Variants in PTPRT observed in about 807,000 individuals in gnomAD.
PTPRT encodes protein tyrosine phosphatase receptor type T, also known as receptor-type tyrosine-protein phosphatase T.
PTPRT carries 56 observed loss-of-function variants against 176.8 expected under a neutral mutation model. The observed-to-expected ratio is 0.32, with a 90% confidence interval of 0.26 to 0.40. The LOEUF (loss-of-function observed/expected upper bound fraction) is 0.40, where lower values mean the gene tolerates loss of function less well. Ranked by LOEUF, PTPRT falls within the 10% of genes least tolerant of loss-of-function variation. The pLI is 1.00. For synonymous variants in PTPRT, 783 were observed against 739.0 expected (o/e 1.06, Z -0.96); for missense variants, 1,540 against 1,908.2 (o/e 0.81, Z 3.60).
rs59329244 is a variant in PTPRT at position 42,726,057 on chromosome 20, T to TTTATTATTA, written c.859+30396_859+30404dup. Among the ~76,000 whole-genome samples, 1,239 of 142,286 alleles carry TTTATTATTA rather than the reference T, an allele frequency of 8.7e-3. 9 individuals are homozygous for TTTATTATTA. Among genetic ancestry groups the TTTATTATTA allele is most frequent in the South Asian group, 0.014 (59 of 4,274 alleles). 93.3% of individuals were successfully genotyped at this position (142,286 alleles called of 152,430 possible). A position where few individuals can be genotyped will look rare whatever the true frequency, so the allele number is the denominator to read the frequency against. ...TTCTGGACAGTAGAATGTGGGCATC[T>TTTATTATTA]TTATTATTATTATTATTATTATTAT... On this transcript the variant is annotated intron_variant, in intron 6 of 30. Coordinates refer to ENST00000373187, the MANE Select transcript of PTPRT (RefSeq NM_007050.6).
chr20:43,099,240 G>A (rs1273790719), intron 1 of PTPRT, among the ~76,000 whole-genome samples: 1 of 152,138 alleles, frequency 6.6e-6, no homozygotes, highest in Admixed American at 6.5e-5. Context: ...CCTATATTAT[G>A]TGGAATCTCA....
At chr20:43,057,974 T>C (rs1214747562) in intron 1 of PTPRT, among the ~76,000 whole-genome samples, 2 of 152,154 alleles carry the variant, frequency 1.3e-5, no homozygotes, top group Non-Finnish European at 2.9e-5. Flanking sequence ...AGTATATATG[T>C]GTGAGATGAA....
chr20:42,221,150 T>C (rs1262320638), intron 15 of PTPRT, among the ~76,000 whole-genome samples: 13 of 151,958 alleles, frequency 8.6e-5, no homozygotes, highest in Admixed American at 8.5e-4. Flanking sequence ...ATTACAGGCA[T>C]GCACCATCAC....
intron 1 of PTPRT, among the ~76,000 whole-genome samples, chr20:43,054,270 C>A (rs924587315): frequency 6.6e-6 from 1 of 152,088 alleles, no homozygotes; most frequent in African/African-American, 2.4e-5. Context: ...ACCTTGGTTC[C>A]CAGCCAGGCA....
chr20:42,563,451 A>C (rs573103335), intron 7 of PTPRT, among the ~76,000 whole-genome samples: 13 of 152,224 alleles, frequency 8.5e-5, no homozygotes, highest in Non-Finnish European at 1.8e-4. Context: ...AGATATTCCT[A>C]TGATGATCAA....
intron 2 of PTPRT, among the ~76,000 whole-genome samples, chr20:42,884,543 G>A (rs986177037): frequency 6.6e-6 from 1 of 152,148 alleles, no homozygotes; most frequent in African/African-American, 2.4e-5. Flanking sequence ...AAATTCCTGA[G>A]ACATCTAGGC....
chr20:42,362,103 AT>A (rs112866442), intron 9 of PTPRT, among the ~76,000 whole-genome samples: 1 of 151,946 alleles, frequency 6.6e-6, no homozygotes, highest in African/African-American at 2.4e-5. Context: ...TCCACAAAAA[AT>A]TTTTTTTAAA....
intron 7 of PTPRT, among the ~76,000 whole-genome samples, chr20:42,670,535 T>C (rs1017687215): frequency 4.6e-5 from 7 of 152,182 alleles, no homozygotes; most frequent in African/African-American, 1.7e-4. Flanking sequence ...TAGACACATA[T>C]CACTGCAAGT....
chr20:42,671,581 C>A (rs957413599), intron 7 of PTPRT, among the ~76,000 whole-genome samples: 3 of 152,104 alleles, frequency 2.0e-5, no homozygotes, highest in South Asian at 4.1e-4. Context: ...CTTCAAGATG[C>A]CAATTAGTTC....
At position 42,093,064 on chromosome 20, in the gene PTPRT, G is replaced by A. The variant is rs541664960; in HGVS notation, c.3846+5357C>T. ...CATAGGTCTCAGGGGTTAGGATGTG[G>A]ACATCTCTGGTGGGGCCACGATTCT... On this transcript the variant is annotated intron_variant, in intron 27 of 30. Transcript: ENST00000373187. 2.6e-5 allele frequency among the ~76,000 whole-genome samples: 4 copies of A among 152,298 alleles called. No homozygotes were observed. In the East Asian group the frequency reaches 7.7e-4, roughly 29 times the overall value.
At chr20:42,099,542 T>TGGGGGGG (rs1325217305) in intron 26 of PTPRT, among the ~76,000 whole-genome samples, 1 of 8,708 alleles carries the variant, frequency 1.1e-4, no homozygotes, top group African/African-American at 8.8e-4. Context: ...GAAAATGGCC[T>TGGGGGGG]GGGCGGGGGG....
intron 16 of PTPRT, among the ~76,000 whole-genome samples, chr20:42,166,194 G>C (rs1220268604): frequency 6.6e-6 from 1 of 152,124 alleles, no homozygotes; most frequent in African/African-American, 2.4e-5. Context: ...AAGTTCTAAA[G>C]AGAGGTAATT....
rs150182582 is a variant in PTPRT, at chr20:42,924,915, G to A, written c.89-38983C>T. Among the ~76,000 whole-genome samples the A allele has an allele frequency of 5.2e-3, 799 of 152,320 alleles. 9 individuals are homozygous for A. The highest frequency in any genetic ancestry group is 0.018 in the African/African-American group (754 of 41,572). ...GTGCTCCAGGGACTCTGATTCAATAGTTCAGGGGTTGGACTTGAGCATCCA... is the reference window on the plus strand; with the variant it reads ...GTGCTCCAGGGACTCTGATTCAATAATTCAGGGGTTGGACTTGAGCATCCA... On this transcript the variant is annotated intron_variant, in intron 1 of 30. Transcript: ENST00000373187.
At chr20:42,321,601 C>T (rs1296277173) in intron 11 of PTPRT, among the ~76,000 whole-genome samples, 3 of 152,120 alleles carry the variant, frequency 2.0e-5, no homozygotes, top group East Asian at 3.9e-4. Context: ...CACCACATCT[C>T]CTGATTTATT....
At chr20:42,984,250 G>T (rs1044836034) in intron 1 of PTPRT, among the ~76,000 whole-genome samples, 3 of 152,136 alleles carry the variant, frequency 2.0e-5, no homozygotes, top group Admixed American at 2.0e-4. Flanking sequence ...AATTCACAAA[G>T]AAGTAACTAA....
intron 3 of PTPRT, among the ~76,000 whole-genome samples, chr20:42,780,925 G>A (rs6130215): frequency 6.6e-6 from 1 of 152,136 alleles, no homozygotes; most frequent in Non-Finnish European, 1.5e-5. Context: ...TCTTCACCAA[G>A]GAGATATGAA....
chr20:42,243,805 T>C (rs910354744), intron 14 of PTPRT, among the ~76,000 whole-genome samples: 2 of 152,206 alleles, frequency 1.3e-5, no homozygotes, highest in African/African-American at 2.4e-5. Flanking sequence ...CGTGATCTTT[T>C]CGAACTTCAG....
intron 18 of PTPRT, among the ~76,000 whole-genome samples, chr20:42,141,601 C>T (rs866171461): frequency 4.6e-5 from 7 of 152,262 alleles, no homozygotes; most frequent in Middle Eastern, 3.4e-3. Flanking sequence ...GCTTCTTCCC[C>T]GACCTGAGGA....
At chr20:42,257,833 C>T (rs1248443483) in intron 13 of PTPRT, among the ~76,000 whole-genome samples, 2 of 151,826 alleles carry the variant, frequency 1.3e-5, no homozygotes, top group African/African-American at 2.4e-5. Context: ...ATTACCCAGT[C>T]CTGGGTATTT....
Sources: gnomAD v4.1 joint callset for allele counts (sites outside exome capture counted in the v4.1 genomes callset) on GRCh38, gnomAD v4.1.1 for gene constraint, MANE v1.5 for transcripts, NCBI Gene and HGNC (gene_info 2026-07-23, HGNC 2026-07-21) for gene names.